SLC25A21: variants seen among roughly 807,000 people sequenced by gnomAD.
The protein encoded by SLC25A21 is solute carrier family 25 member 21, also known as mitochondrial 2-oxodicarboxylate carrier.
A neutral mutation model predicts 43.8 loss-of-function variants in SLC25A21; 47 were observed. That is an observed-to-expected ratio of 1.07 (90% CI 0.85 to 1.37). The LOEUF (loss-of-function observed/expected upper bound fraction) is 1.37, where lower values mean the gene tolerates loss of function less well. Among genes scored for constraint, SLC25A21 ranks in the 40% most tolerant of loss-of-function variants. SLC25A21 has a pLI of 0.00. For synonymous variants in SLC25A21, 131 were observed against 121.3 expected, an observed-to-expected ratio of 1.08 and a Z score of -0.52; for missense variants, 352 against 350.2, an observed-to-expected ratio of 1.00 and a Z score of -0.04.
chr14:36,969,462 A>C (rs761617912), intron 1 of SLC25A21, among the ~76,000 whole-genome samples: 1 of 152,136 alleles, frequency 6.6e-6, no homozygotes, highest in Non-Finnish European at 1.5e-5. Context: ...TTAGGGCCCA[A>C]GGAACTCCTA....
At chr14:36,797,369 A>G (rs1259682645) in intron 3 of SLC25A21, among the ~76,000 whole-genome samples, 15 of 152,198 alleles carry the variant, frequency 9.9e-5, no homozygotes, top group Non-Finnish European at 1.9e-4. Flanking sequence ...GAAGAAAAAA[A>G]GGCTCCTTAA....
chr14:37,086,721 T>C (rs1220773089), intron 1 of SLC25A21, among the ~76,000 whole-genome samples: 2 of 152,204 alleles, frequency 1.3e-5, no homozygotes, highest in Non-Finnish European at 2.9e-5. Flanking sequence ...GAGATGGTGA[T>C]AATTGAATGA....
At chr14:37,084,034 C>T (rs1160147360) in intron 1 of SLC25A21, among the ~76,000 whole-genome samples, 7 of 152,156 alleles carry the variant, frequency 4.6e-5, no homozygotes, top group Admixed American at 6.5e-5. Context: ...TCTTCCTGGA[C>T]GGTCCCATTA....
At chr14:37,113,053 C>T (rs1377449508) in intron 1 of SLC25A21, among the ~76,000 whole-genome samples, 1 of 152,120 alleles carries the variant, frequency 6.6e-6, no homozygotes, top group Non-Finnish European at 1.5e-5. Flanking sequence ...GGAGTCTTAA[C>T]TCTAGCTCGG....
intron 1 of SLC25A21, among the ~76,000 whole-genome samples, chr14:36,876,209 A>G (rs1372209934): frequency 6.6e-6 from 1 of 152,132 alleles, no homozygotes; most frequent in Non-Finnish European, 1.5e-5. Flanking sequence ...ATTTATCCAC[A>G]CAAATGTCTT....
intron 1 of SLC25A21, among the ~76,000 whole-genome samples, chr14:37,124,985 C>A (rs1963272478): frequency 6.6e-6 from 1 of 152,156 alleles, no homozygotes; most frequent in South Asian, 2.1e-4. Context: ...GCCAATTAAA[C>A]CTCTTTTGTT....
intron 2 of SLC25A21, among the ~76,000 whole-genome samples, chr14:36,855,210 T>C (rs1889862868): frequency 6.7e-6 from 1 of 150,284 alleles, no homozygotes; most frequent in Non-Finnish European, 1.5e-5. Flanking sequence ...CTGAGTACCC[T>C]GTAAGGACTT....
chr14:36,731,066 G>A (rs1445206870), intron 4 of SLC25A21, among the ~76,000 whole-genome samples: 3 of 150,390 alleles, frequency 2.0e-5, no homozygotes, highest in Non-Finnish European at 4.4e-5. Context: ...TCCGCCTCCC[G>A]GGTTCACGCC....
chr14:37,032,658 G>T (rs1458577461), intron 1 of SLC25A21, among the ~76,000 whole-genome samples: 1 of 100,634 alleles, frequency 9.9e-6, no homozygotes, highest in African/African-American at 5.7e-5. Context: ...GCAACAGAGT[G>T]AGACTCTGTC....
At chr14:36,846,027 C>A (rs1889530158) in intron 2 of SLC25A21, among the ~76,000 whole-genome samples, 1 of 152,148 alleles carries the variant, frequency 6.6e-6, no homozygotes, top group Non-Finnish European at 1.5e-5. Flanking sequence ...TAATATATTT[C>A]TAAAACATGG....
intron 7 of SLC25A21, among the ~76,000 whole-genome samples, chr14:36,704,653 T>C (rs1883425386): frequency 8.9e-6 from 1 of 112,932 alleles, no homozygotes; most frequent in Non-Finnish European, 1.8e-5. Context: ...CGAGACTCCG[T>C]CTCAAAAAAA....
intron 9 of SLC25A21, among the ~76,000 whole-genome samples, chr14:36,683,217 C>A (rs575083163): frequency 1.3e-5 from 2 of 152,186 alleles, no homozygotes; most frequent in Non-Finnish European, 2.9e-5. Flanking sequence ...TAGAGGCAGC[C>A]GATTCTCCCT....
At chr14:37,127,251 G>A (rs550282278) in intron 1 of SLC25A21, among the ~76,000 whole-genome samples, 37 of 152,228 alleles carry the variant, frequency 2.4e-4, no homozygotes, top group Admixed American at 8.5e-4. Context: ...AAAGGGCTTA[G>A]GAAATTTGCC....
In SLC25A21 at chr14:37,133,190, C is replaced by T. The variant is rs10150388; in HGVS notation, c.70+39091G>A. ...ACACACACTCATGCAAACACACAAACACGAGAATCACTGGCTGATAAATAT... is the reference window on the plus strand; with the variant it reads ...ACACACACTCATGCAAACACACAAATACGAGAATCACTGGCTGATAAATAT... On this transcript the variant is annotated intron_variant, in intron 1 of 9. Coordinates refer to ENST00000331299, the MANE Select transcript of SLC25A21 (RefSeq NM_030631.4). Among the ~76,000 whole-genome samples the T allele has an allele frequency of 8.9e-3, 1,345 of 151,414 alleles. 18 individuals are homozygous for T. Among genetic ancestry groups the T allele is most frequent in the African/African-American group, 0.031 (1,283 of 40,894 alleles).
At chr14:36,818,639 T>C in intron 2 of SLC25A21, among the ~76,000 whole-genome samples, 1 of 152,232 alleles carries the variant, frequency 6.6e-6, no homozygotes, top group East Asian at 1.9e-4. Context: ...TTGCAGTATT[T>C]GGTTGCAGTA....
At position 36,768,991 on chromosome 14, in the gene SLC25A21, A is replaced by G. The variant is rs1594570981; in HGVS notation, c.204-34418T>C. On this transcript the variant is annotated intron_variant, in intron 3 of 9. Transcript: ENST00000331299. ...TATATCTATATCTATATCTGTATCTATATTTACTGTAACAATCACTTCAAG... is the reference window on the plus strand; with the variant it reads ...TATATCTATATCTATATCTGTATCTGTATTTACTGTAACAATCACTTCAAG... Among the ~76,000 whole-genome samples, 3 of 148,140 alleles carry G rather than the reference A, an allele frequency of 2.0e-5. No homozygotes were observed. In the South Asian group the frequency reaches 6.4e-4, roughly 32 times the overall value.
chr14:36,737,352 G>A (rs568836202), intron 3 of SLC25A21, among the ~76,000 whole-genome samples: 4 of 152,272 alleles, frequency 2.6e-5, no homozygotes, highest in South Asian at 4.1e-4. Flanking sequence ...TATGAAAAGA[G>A]CTGGGAGGTC....
intron 1 of SLC25A21, among the ~76,000 whole-genome samples, chr14:37,092,251 A>C (rs1053735978): frequency 1.3e-5 from 2 of 152,186 alleles, no homozygotes; most frequent in East Asian, 1.9e-4. Flanking sequence ...CCTTTCAAAT[A>C]TGTTCCTTTT....
chr14:36,702,475 C>CAAAAAAAAAAAAAAAA (rs1213350246), intron 7 of SLC25A21, among the ~76,000 whole-genome samples: 9 of 66,076 alleles, frequency 1.4e-4, no homozygotes, highest in Non-Finnish European at 1.7e-4. Context: ...CCTGTCTCCA[C>CAAAAAAAAAAAAAAAA]AAAAAAAAAA....
Sources: allele counts gnomAD v4.1 joint callset (sites outside exome capture counted in the v4.1 genomes callset), GRCh38; gene constraint gnomAD v4.1.1; transcripts MANE v1.5; gene names NCBI Gene and HGNC (gene_info 2026-07-23, HGNC 2026-07-21).